Variants in TCF4 observed in about 807,000 individuals in gnomAD.
TCF4 encodes the protein transcription factor 4.
TCF4 carries 3 observed loss-of-function variants against 82.1 expected under a neutral mutation model. The observed-to-expected ratio is 0.04, with a 90% CI of 0.02 to 0.09. TCF4 has a LOEUF of 0.09. Ranked by LOEUF, TCF4 falls within the 10% of genes least tolerant of loss-of-function variation. The pLI, the probability that TCF4 is intolerant of heterozygous loss-of-function variation, is 1.00. For missense variants in TCF4, 518 were observed against 852.7 expected, an observed-to-expected ratio of 0.61 and a Z score of 4.89; for synonymous variants, 276 against 309.6, an observed-to-expected ratio of 0.89 and a Z score of 1.14.
intron 6 of TCF4, chr18:55,401,403 C>T (rs2093809612): frequency 2.8e-6 from 3 of 1,080,048 alleles, no homozygotes; most frequent in Admixed American, 9.5e-5. Flanking sequence ...TCTCCACACT[C>T]CACGGCTACA....
intron 3 of TCF4, among the ~76,000 whole-genome samples, chr18:55,502,208 T>C (rs1409308717): frequency 6.6e-6 from 1 of 152,204 alleles, no homozygotes; most frequent in Non-Finnish European, 1.5e-5. Context: ...TTGTGGTCAT[T>C]TTTCTTCATT....
intron 3 of TCF4, chr18:55,492,111 A>AT (rs919805118): frequency 5.9e-5 from 9 of 152,124 alleles, no homozygotes; most frequent in African/African-American, 1.9e-4. Flanking sequence ...GTTCCCCTTT[A>AT]TGTCAATCTC....
intron 3 of TCF4, among the ~76,000 whole-genome samples, chr18:55,527,494 C>T (rs1322981969): frequency 6.6e-6 from 1 of 152,102 alleles, no homozygotes; most frequent in African/African-American, 2.4e-5. Context: ...TCTTCTAAGG[C>T]CTTGTAACTA....
At chr18:55,526,193 A>G (rs9949107) in intron 3 of TCF4, among the ~76,000 whole-genome samples, 104,076 of 151,962 alleles carry the variant, frequency 0.68, 35,978 homozygotes, top group East Asian at 0.92. Flanking sequence ...ACTTCAGGAA[A>G]CAAAAACAAA....
At chr18:55,481,930 T>C (rs983387309) in intron 3 of TCF4, among the ~76,000 whole-genome samples, 1 of 152,198 alleles carries the variant, frequency 6.6e-6, no homozygotes, top group East Asian at 1.9e-4. Context: ...ACAGTTACAA[T>C]GAGCAAGTAT....
At chr18:55,456,388 A>C (rs2095754689) in intron 5 of TCF4, among the ~76,000 whole-genome samples, 1 of 152,348 alleles carries the variant, frequency 6.6e-6, no homozygotes. Flanking sequence ...ATACCACAGT[A>C]AGGAAACTGA....
chr18:55,423,951 T>C (rs750676604), intron 5 of TCF4, among the ~76,000 whole-genome samples: 1 of 152,114 alleles, frequency 6.6e-6, no homozygotes, highest in South Asian at 2.1e-4. Context: ...GCTCACATCA[T>C]TGTCACTTAT....
chr18:55,604,831 CCAG>C (rs2097700787), intron 2 of TCF4, among the ~76,000 whole-genome samples: 1 of 152,074 alleles, frequency 6.6e-6, no homozygotes, highest in Non-Finnish European at 1.5e-5. Context: ...TACGACTTTT[CCAG>C]TAGAGCCAGG....
intron 3 of TCF4, among the ~76,000 whole-genome samples, chr18:55,545,531 C>A (rs906870850): frequency 5.3e-5 from 8 of 152,136 alleles, no homozygotes; most frequent in Non-Finnish European, 1.2e-4. Context: ...TCACTGCAAC[C>A]TCTGCCTCCC....
At chr18:55,330,575 C>CT (rs1410482582) in intron 8 of TCF4, among the ~76,000 whole-genome samples, 12 of 149,146 alleles carry the variant, frequency 8.0e-5, no homozygotes, top group African/African-American at 9.8e-5. Context: ...ACTACATTTT[C>CT]TTTTTTTTTG....
Position 55,404,229 on chromosome 18 carries a change from T to C in TCF4, c.305-711A>G, listed in dbSNP as rs115142099. ...CTGTAGACTGCTCTACAGAGATCTA[T>C]AGACCCTTCGATGCTATTCGGCCAC... is the stretch of plus-strand genomic sequence containing the variant. On this transcript the variant is annotated intron_variant, in intron 5 of 19. Coordinates refer to ENST00000354452, the MANE Select transcript of TCF4 (RefSeq NM_001083962.2). The C allele has an allele frequency of 3.1e-3, 551 of 177,256 alleles. 1 individual carries two copies. The highest frequency in any genetic ancestry group is 6.0e-3 in the Admixed American group (104 of 17,446). The allele number at this position is 177,256 out of a possible 1,614,324, so 11.0% of individuals were successfully genotyped here.
upstream of TCF4, among the ~76,000 whole-genome samples, chr18:55,593,040 T>G (rs1254202012): frequency 6.6e-6 from 1 of 152,206 alleles, no homozygotes; most frequent in Non-Finnish European, 1.5e-5. Flanking sequence ...ACAAAAAAGA[T>G]TATTTACATT....
intron 5 of TCF4, among the ~76,000 whole-genome samples, chr18:55,417,412 T>G (rs1208188383): frequency 1.3e-5 from 2 of 152,208 alleles, no homozygotes; most frequent in African/African-American, 4.8e-5. Flanking sequence ...GATCATTGGA[T>G]TAGGGCATTT....
chr18:55,280,774 C>G (rs576888757), intron 8 of TCF4, among the ~76,000 whole-genome samples: 1 of 152,022 alleles, frequency 6.6e-6, no homozygotes, highest in African/African-American at 2.4e-5. Flanking sequence ...AAAAATAACT[C>G]TCATTTTTTT....
At chr18:55,425,546 C>T (rs547372559) in intron 5 of TCF4, among the ~76,000 whole-genome samples, 80 of 151,058 alleles carry the variant, frequency 5.3e-4, no homozygotes, top group Middle Eastern at 3.5e-3. Context: ...ATATTAACAT[C>T]TTCCATAGCT....
intron 3 of TCF4, among the ~76,000 whole-genome samples, chr18:55,576,166 C>A (rs1198445376): frequency 6.6e-6 from 1 of 152,090 alleles, no homozygotes; most frequent in Non-Finnish European, 1.5e-5. Context: ...ACCACTTCCT[C>A]AATATGAAAC....
chr18:55,320,607 G>A (rs1360104003), intron 8 of TCF4, among the ~76,000 whole-genome samples: 3 of 152,090 alleles, frequency 2.0e-5, no homozygotes, highest in African/African-American at 2.4e-5. Context: ...ATTCGTTTGC[G>A]CCAATTGCTA....
At chr18:55,312,478 T>A (rs1056783198) in intron 8 of TCF4, among the ~76,000 whole-genome samples, 1 of 152,328 alleles carries the variant, frequency 6.6e-6, no homozygotes, top group East Asian at 1.9e-4. Flanking sequence ...CAAAACTTCC[T>A]TCATAAGAAA....
At chr18:55,434,068 A>G (rs1167211824) in intron 5 of TCF4, among the ~76,000 whole-genome samples, 1 of 152,182 alleles carries the variant, frequency 6.6e-6, no homozygotes, top group Non-Finnish European at 1.5e-5. Flanking sequence ...CATACACAAA[A>G]TAGTCTCATT....
Sources: allele counts gnomAD v4.1 joint callset (sites outside exome capture counted in the v4.1 genomes callset), GRCh38; gene constraint gnomAD v4.1.1; transcripts MANE v1.5; gene names NCBI Gene and HGNC (gene_info 2026-07-23, HGNC 2026-07-21).